PTPN4: variants seen among roughly 807,000 people sequenced by gnomAD.
PTPN4 encodes protein tyrosine phosphatase non-receptor type 4, also known as tyrosine-protein phosphatase non-receptor type 4.
In PTPN4, 49 loss-of-function variants were observed where a neutral mutation model predicts 135.5. The observed-to-expected ratio is 0.36, with a 90% CI of 0.29 to 0.46. The LOEUF is 0.46. PTPN4 is among the 20% of genes least tolerant of loss of function. PTPN4 has a pLI of 1.00. For missense variants in PTPN4, 860 were observed against 1,101.0 expected (o/e 0.78, Z 3.10); for synonymous variants, 333 against 369.9 (o/e 0.90, Z 1.14).
intron 2 of PTPN4, among the ~76,000 whole-genome samples, chr2:119,858,941 GTGT>G (rs1677720803): frequency 6.6e-6 from 1 of 151,732 alleles, no homozygotes; most frequent in Non-Finnish European, 1.5e-5. Context: ...GCCCTTTTCT[GTGT>G]TGTTCTTATT....
chr2:119,799,017 C>T (rs1003030779), intron 1 of PTPN4, among the ~76,000 whole-genome samples: 11 of 152,170 alleles, frequency 7.2e-5, no homozygotes, highest in African/African-American at 2.7e-4. Context: ...CTCTCTGATC[C>T]AGTAATAAAC....
At chr2:119,955,411 T>C in intron 20 of PTPN4, 88 bp downstream of exon 20, 1 of 1,075,298 alleles carries the variant, frequency 9.3e-7, no homozygotes, top group South Asian at 3.3e-5. Flanking sequence ...CTGTGCATTA[T>C]AATTTCTAAA....
chr2:119,844,980 C>G (rs1350916058), intron 2 of PTPN4, among the ~76,000 whole-genome samples: 9 of 150,398 alleles, frequency 6.0e-5, no homozygotes, highest in Non-Finnish European at 1.2e-4. Context: ...ACTGAGTGAA[C>G]GAGACTCCAT....
intron 2 of PTPN4, among the ~76,000 whole-genome samples, chr2:119,822,157 A>G (rs1677077446): frequency 6.6e-6 from 1 of 152,108 alleles, no homozygotes; most frequent in Non-Finnish European, 1.5e-5. Context: ...ACTGTTCCCT[A>G]CATGGATCTT....
At chr2:119,935,626 A>C (rs2105040261) in intron 15 of PTPN4, among the ~76,000 whole-genome samples, 1 of 152,302 alleles carries the variant, frequency 6.6e-6, no homozygotes, top group East Asian at 1.9e-4. Context: ...AAAATGGAGA[A>C]ATAGGACAGA....
At chr2:119,941,437 G>GTGTA (rs1359076116) in intron 15 of PTPN4, among the ~76,000 whole-genome samples, 1 of 151,518 alleles carries the variant, frequency 6.6e-6, no homozygotes, top group Non-Finnish European at 1.5e-5. Context: ...GTGTGTGTGT[G>GTGTA]TATAGAGTTT....
At chr2:119,898,762 T>G (rs1255055323) in intron 9 of PTPN4, among the ~76,000 whole-genome samples, 1 of 152,226 alleles carries the variant, frequency 6.6e-6, no homozygotes, top group African/African-American at 2.4e-5. Flanking sequence ...ATACTTGTTC[T>G]CTCGTTTTAT....
At chr2:119,799,078 C>A (rs1164622597) in intron 1 of PTPN4, among the ~76,000 whole-genome samples, 1 of 152,206 alleles carries the variant, frequency 6.6e-6, no homozygotes, top group Non-Finnish European at 1.5e-5. Flanking sequence ...AATCATCTTT[C>A]ATAGTTGTTA....
At chr2:119,952,710 C>T (rs1336825122) in intron 19 of PTPN4, among the ~76,000 whole-genome samples, 1 of 152,190 alleles carries the variant, frequency 6.6e-6, no homozygotes, top group Non-Finnish European at 1.5e-5. Flanking sequence ...CTAATCATGT[C>T]ATCTCCCAAT....
intron 1 of PTPN4, among the ~76,000 whole-genome samples, chr2:119,807,309 A>G (rs1262031672): frequency 6.6e-6 from 1 of 152,192 alleles, no homozygotes; most frequent in East Asian, 1.9e-4. Flanking sequence ...TGAAAAGATC[A>G]ACAAATTGAT....
At chr2:119,876,264 GCTT>G (rs1269563003) in intron 3 of PTPN4, among the ~76,000 whole-genome samples, 2 of 152,144 alleles carry the variant, frequency 1.3e-5, no homozygotes, top group East Asian at 1.9e-4. Context: ...GACTATTCTT[GCTT>G]CTTTATGGAG....
At chr2:119,843,288 G>A (rs1200877222) in intron 2 of PTPN4, among the ~76,000 whole-genome samples, 4 of 133,590 alleles carry the variant, frequency 3.0e-5, no homozygotes, top group Non-Finnish European at 4.6e-5. Context: ...ACATGTTTCA[G>A]AGAGCACAGG....
intron 3 of PTPN4, among the ~76,000 whole-genome samples, chr2:119,876,938 T>TGTGTGTGC (rs1553458127): frequency 3.7e-5 from 5 of 136,300 alleles, no homozygotes; most frequent in South Asian, 4.8e-4. Flanking sequence ...TGTGTGTGTG[T>TGTGTGTGC]GTGCGTGAAG....
chr2:119,783,457 G>GAT (rs945657658), intron 1 of PTPN4, among the ~76,000 whole-genome samples: 1 of 152,180 alleles, frequency 6.6e-6, no homozygotes, highest in African/African-American at 2.4e-5. Context: ...ATAATATATT[G>GAT]AGTGCAGTGA....
intron 2 of PTPN4, among the ~76,000 whole-genome samples, chr2:119,814,350 C>G (rs1265946523): frequency 6.6e-6 from 1 of 152,128 alleles, no homozygotes; most frequent in Non-Finnish European, 1.5e-5. Flanking sequence ...GCTCCTGATT[C>G]CAGAGTCCTT....
At chr2:119,946,810 C>A in intron 18 of PTPN4, 1 of 417,274 alleles carries the variant, frequency 2.4e-6, no homozygotes, top group Non-Finnish European at 4.2e-6. Flanking sequence ...GCTTCTAAAG[C>A]ATTAACAGAT....
chr2:119,850,575 G>C (rs1677576846), intron 2 of PTPN4, among the ~76,000 whole-genome samples: 1 of 152,258 alleles, frequency 6.6e-6, no homozygotes, highest in South Asian at 2.1e-4. Context: ...GCATCTTCCT[G>C]GCCATATTTT....
At chr2:119,855,002 T>G (rs749288067) in intron 2 of PTPN4, among the ~76,000 whole-genome samples, 1 of 152,200 alleles carries the variant, frequency 6.6e-6, no homozygotes, top group South Asian at 2.1e-4. Flanking sequence ...AGTCTGTAGA[T>G]TGCTGTTGTG....
intron 1 of PTPN4, among the ~76,000 whole-genome samples, chr2:119,775,693 C>T (rs973300168): frequency 6.6e-6 from 1 of 152,178 alleles, no homozygotes. Flanking sequence ...TGAAAGCCAT[C>T]AGGCCTGAAA....
Sources: allele counts gnomAD v4.1 joint callset (sites outside exome capture counted in the v4.1 genomes callset), GRCh38; gene constraint gnomAD v4.1.1; transcripts MANE v1.5; gene names NCBI Gene and HGNC (gene_info 2026-07-23, HGNC 2026-07-21).